RAE1: variants seen among roughly 807,000 people sequenced by gnomAD.
The protein encoded by RAE1 is ribonucleic acid export 1.
RAE1 carries 13 observed loss-of-function variants against 52.7 expected under a neutral mutation model. That is an observed-to-expected ratio of 0.25 (90% CI 0.16 to 0.39). The LOEUF (loss-of-function observed/expected upper bound fraction) is 0.39, where lower values mean the gene tolerates loss of function less well. Ranked by LOEUF, RAE1 falls within the 10% of genes least tolerant of loss-of-function variation. The pLI is 1.00. For synonymous variants in RAE1, 164 were observed against 153.1 expected (o/e 1.07, Z -0.52); for missense variants, 262 against 459.8 (o/e 0.57, Z 3.93).
Position 57,374,758 on chromosome 20 carries a change from A to G in RAE1, c.977A>G (p.Asn326Ser), listed in dbSNP as rs2067086357. The G allele has an allele frequency of 3.7e-6, 6 of 1,614,072 alleles. No homozygotes were observed. The highest frequency in any genetic ancestry group is 3.4e-6 in the Non-Finnish European group (4 of 1,180,032). Residue 326 changes from asparagine to serine, a missense_variant, in exon 11 of 12, where the codon AAT becomes AGT. Transcript: ENST00000395841. ...QPISACCFNH[N>S]GNIFAYASSY... ...ATCTCAGCTTGCTGTTTCAATCACA[A>G]TGGAAACATATTTGCATACGCTTCC...
Position 57,378,417 on chromosome 20 carries a change from C to T in RAE1, c.*318C>T, listed in dbSNP as rs2067147226. 7.1e-6 allele frequency: 2 copies of T among 280,680 alleles called. No individual in the cohort carries two copies. The highest frequency in any genetic ancestry group is 1.3e-5 in the Non-Finnish European group (2 of 149,440). The allele number at this position is 280,680 out of a possible 1,614,324, so 17.4% of individuals were successfully genotyped here. Reference sequence around the variant, plus strand: ...AGAATATTGGAAAAGCGTCTGTGAGCCCCGTGCTGTATTTTGTAATAAAGT... The same window carrying T: ...AGAATATTGGAAAAGCGTCTGTGAGTCCCGTGCTGTATTTTGTAATAAAGT... On this transcript the variant is annotated 3_prime_UTR_variant, in exon 12 of 12. Coordinates refer to ENST00000395841, the MANE Select transcript of RAE1 (RefSeq NM_003610.4).
intron 4 of RAE1, among the ~76,000 whole-genome samples, chr20:57,364,610 G>C (rs1001670752): frequency 6.6e-6 from 1 of 152,192 alleles, no homozygotes; most frequent in African/African-American, 2.4e-5. Context: ...TGGCCCATGA[G>C]TCAAACCTGA....
chr20:57,358,556 G>C (rs16985477), intron 4 of RAE1: 6,123 of 154,762 alleles, frequency 0.04, 179 homozygotes, highest in African/African-American at 0.089. Context: ...TCCTTTCGTA[G>C]TAGGAGGAAT....
At chr20:57,352,032 G>T (rs78114275) in intron 1 of RAE1, 26,636 of 940,486 alleles carry the variant, frequency 0.028, 516 homozygotes, top group African/African-American at 0.09. Flanking sequence ...CAGCATTCTG[G>T]GGGGGAAGAG....
intron 4 of RAE1, chr20:57,359,134 G>A: frequency 3.6e-6 from 3 of 823,950 alleles, no homozygotes; most frequent in South Asian, 5.8e-5. Flanking sequence ...GGCAGATAGT[G>A]CCTCTAATAC....
chr20:57,353,916 G>T (rs1429508786), intron 1 of RAE1, 116 bp from the exon 2 acceptor site: 1 of 845,832 alleles, frequency 1.2e-6, no homozygotes, highest in East Asian at 2.5e-5. Flanking sequence ...TCTGAAAAGT[G>T]AAGCCTGGCC....
intron 2 of RAE1, 45 bp downstream of exon 2, chr20:57,354,173 G>T: frequency 6.5e-7 from 1 of 1,546,656 alleles, no homozygotes; most frequent in South Asian, 1.1e-5. Flanking sequence ...AGTTTGGGCA[G>T]AGTTTCTCCC....
chr20:57,369,693 C>T (rs146406901), intron 8 of RAE1, among the ~76,000 whole-genome samples: 188 of 152,332 alleles, frequency 1.2e-3, no homozygotes, highest in African/African-American at 4.3e-3. Flanking sequence ...TGCCTAGATG[C>T]TTGCTAGCTT....
At chr20:57,363,254 G>C (rs1252494829) in intron 4 of RAE1, among the ~76,000 whole-genome samples, 1 of 152,146 alleles carries the variant, frequency 6.6e-6, no homozygotes, top group African/African-American at 2.4e-5. Flanking sequence ...AAGGTAGGCT[G>C]GGTGCAGTGG....
intron 11 of RAE1, among the ~76,000 whole-genome samples, chr20:57,376,601 G>A (rs1247285273): frequency 6.6e-6 from 1 of 152,202 alleles, no homozygotes; most frequent in Non-Finnish European, 1.5e-5. Context: ...TTCCCGGGTG[G>A]GGTGTGCCAT....
chr20:57,370,838 G>C (rs557482878), intron 8 of RAE1, among the ~76,000 whole-genome samples: 8 of 152,222 alleles, frequency 5.3e-5, no homozygotes, highest in Non-Finnish European at 1.2e-4. Flanking sequence ...AGGGCCTTAA[G>C]TGTAAAAGGT....
chr20:57,366,320 G>A (rs2066953188), intron 5 of RAE1, among the ~76,000 whole-genome samples: 1 of 152,202 alleles, frequency 6.6e-6, no homozygotes, highest in Non-Finnish European at 1.5e-5. Context: ...CTGAGACTGG[G>A]TAATTTATAG....
At chr20:57,368,541 T>C (rs984772517) in intron 7 of RAE1, among the ~76,000 whole-genome samples, 164 bp from the exon 8 acceptor site, 2 of 152,246 alleles carry the variant, frequency 1.3e-5, no homozygotes, top group African/African-American at 2.4e-5. Flanking sequence ...AATATATGAA[T>C]GTTCTACTTT....
chr20:57,373,604 G>A (rs748430480), intron 9 of RAE1, 23 bp downstream of exon 9: 7 of 1,613,088 alleles, frequency 4.3e-6, no homozygotes, highest in Admixed American at 1.7e-5. Flanking sequence ...CTGTCAGCTT[G>A]CAGATTTCAC....
intron 8 of RAE1, chr20:57,371,853 A>G (rs2067040145): frequency 6.6e-6 from 1 of 152,266 alleles, no homozygotes. Context: ...GCCTGAAAGA[A>G]GGAAATCCTG....
At chr20:57,354,208 T>C in intron 2 of RAE1, 80 bp downstream of exon 2, 2 of 1,242,388 alleles carry the variant, frequency 1.6e-6, no homozygotes, top group South Asian at 1.3e-5. Context: ...CCGAGATGAC[T>C]TGGGAGCCTC....
intron 5 of RAE1, 135 bp from the exon 6 acceptor site, chr20:57,366,672 T>C (rs1331063454): frequency 7.6e-6 from 6 of 793,386 alleles, no homozygotes; most frequent in Non-Finnish European, 1.3e-5. Context: ...GGTAAAATGC[T>C]AAGTATGTTT....
chr20:57,351,446 C>T (rs1220677513), intron 1 of RAE1, 24 bp downstream of exon 1: 1 of 985,360 alleles, frequency 1.0e-6, no homozygotes, highest in East Asian at 1.1e-4. Context: ...CGCGCGCGTC[C>T]CGTCGTTAAC....
chr20:57,370,302 A>T (rs2067016923), intron 8 of RAE1, among the ~76,000 whole-genome samples: 1 of 151,980 alleles, frequency 6.6e-6, no homozygotes. Flanking sequence ...CCATCCTCTT[A>T]CTGGAACAGA....
Sources: allele counts gnomAD v4.1 joint callset (sites outside exome capture counted in the v4.1 genomes callset), GRCh38; gene constraint gnomAD v4.1.1; transcripts MANE v1.5; gene names NCBI Gene and HGNC (gene_info 2026-07-23, HGNC 2026-07-21).